NEDD9: variants seen among roughly 807,000 people sequenced by gnomAD.
NEDD9 encodes the protein neural precursor cell expressed, developmentally down-regulated 9.
In NEDD9, 26 loss-of-function variants were observed where a neutral mutation model predicts 76.6. That is an observed-to-expected ratio of 0.34 (90% CI 0.25 to 0.47). NEDD9 has a LOEUF of 0.47. Ranked by LOEUF, NEDD9 falls within the 20% of genes least tolerant of loss-of-function variation. NEDD9 has a pLI of 1.00. For synonymous variants in NEDD9, 392 were observed against 414.2 expected (o/e 0.95, Z 0.65); for missense variants, 937 against 1,058.5 (o/e 0.89, Z 1.59).
intron 2 of NEDD9, among the ~76,000 whole-genome samples, chr6:11,201,702 C>A (rs1396796364): frequency 7.3e-6 from 1 of 136,140 alleles, no homozygotes; most frequent in South Asian, 2.1e-4. Context: ...TTAAAAATTA[C>A]AAATATATAT....
chr6:11,358,353 G>C (rs1004189992), intron 1 of NEDD9, among the ~76,000 whole-genome samples: 1 of 149,572 alleles, frequency 6.7e-6, no homozygotes, highest in Non-Finnish European at 1.5e-5. Context: ...CTGCAGAAAC[G>C]CCTGCCAGTG....
Position 11,185,396 on chromosome 6 carries a change from C to T in NEDD9, c.2271G>A (p.Val757=), listed in dbSNP as rs1757950420. The change falls in exon 7 of 7, where the codon GTG becomes GTA. Residue 757 remains valine (V), a synonymous_variant. Transcript: ENST00000379446. The stretch of plus-strand genomic sequence containing the variant: ...GCCGTGTCAGCGTGTCTCCAATGAA[C>T]ACCAGTTTGTGTGCACTGAGGATGA... The part of the protein sequence containing the change: ...KFVILSAHKL[V]FIGDTLTRQV... 3.1e-6 allele frequency: 5 copies of T among 1,614,226 alleles called. No homozygotes were observed. Among genetic ancestry groups the T allele is most frequent in the Middle Eastern group, 1.6e-4 (1 of 6,062 alleles).
intron 3 of NEDD9, among the ~76,000 whole-genome samples, chr6:11,288,801 T>C (rs6933123): frequency 0.32 from 48,350 of 152,122 alleles, 8,159 homozygotes; most frequent in African/African-American, 0.45. Context: ...CAACCATATA[T>C]TCATCTTCCT....
upstream of NEDD9, chr6:11,233,485 T>C (rs1356772070): frequency 1.9e-6 from 1 of 518,856 alleles, no homozygotes; most frequent in South Asian, 1.4e-5. Context: ...CTGTGTTCTT[T>C]GACGGCTGGC....
chr6:11,212,214 A>ATCT (rs1758803249), intron 2 of NEDD9, among the ~76,000 whole-genome samples: 2 of 152,332 alleles, frequency 1.3e-5, no homozygotes, highest in South Asian at 4.1e-4. Context: ...ATTCAGGGAT[A>ATCT]TCTTCTTATC....
At chr6:11,264,104 T>A (rs1289504855) in intron 3 of NEDD9, among the ~76,000 whole-genome samples, 1 of 152,174 alleles carries the variant, frequency 6.6e-6, no homozygotes, top group Non-Finnish European at 1.5e-5. Context: ...GGAAGGCAGG[T>A]CTGGGGCAAG....
At chr6:11,275,747 G>A (rs1246410098) in intron 3 of NEDD9, among the ~76,000 whole-genome samples, 3 of 152,178 alleles carry the variant, frequency 2.0e-5, no homozygotes, top group Non-Finnish European at 1.5e-5. Context: ...TGGTTTACTT[G>A]TATTAATGCT....
At chr6:11,276,415 G>A (rs905075559) in intron 3 of NEDD9, among the ~76,000 whole-genome samples, 12 of 152,236 alleles carry the variant, frequency 7.9e-5, no homozygotes, top group African/African-American at 2.9e-4. Flanking sequence ...GTGCACGTGT[G>A]TGTGCGCACG....
At chr6:11,189,436 T>C (rs932641987) in intron 5 of NEDD9, among the ~76,000 whole-genome samples, 4 of 152,168 alleles carry the variant, frequency 2.6e-5, no homozygotes, top group African/African-American at 9.7e-5. Context: ...GGGCTAAGTT[T>C]TAAAGCAATT....
intron 2 of NEDD9, among the ~76,000 whole-genome samples, chr6:11,327,475 A>T (rs9468863): frequency 0.21 from 31,574 of 152,188 alleles, 4,950 homozygotes; most frequent in African/African-American, 0.45. Context: ...ACACCATTTT[A>T]GAAAATGATA....
intron 2 of NEDD9, among the ~76,000 whole-genome samples, chr6:11,306,629 T>C (rs1181741181): frequency 1.3e-5 from 2 of 152,178 alleles, no homozygotes; most frequent in Admixed American, 6.5e-5. Context: ...TACTCTCCCA[T>C]CCCTGAGGCC....
chr6:11,325,965 G>A (rs1761917659), intron 2 of NEDD9, among the ~76,000 whole-genome samples: 1 of 152,104 alleles, frequency 6.6e-6, no homozygotes, highest in Non-Finnish European at 1.5e-5. Context: ...GGCCAACATG[G>A]CGAAACCCCG....
chr6:11,199,389 T>C (rs1561784129), intron 2 of NEDD9: 1 of 152,224 alleles, frequency 6.6e-6, no homozygotes, highest in Non-Finnish European at 1.5e-5. Context: ...AAGCCTGTTT[T>C]CTCATAGGTA....
At chr6:11,230,335 G>T (rs1011324419) in intron 1 of NEDD9, among the ~76,000 whole-genome samples, 17 of 152,154 alleles carry the variant, frequency 1.1e-4, no homozygotes, top group Middle Eastern at 3.2e-3. Context: ...GAGCCAGATC[G>T]CCTTAGTTCT....
chr6:11,231,021 G>T (rs946931431), intron 1 of NEDD9, among the ~76,000 whole-genome samples: 3 of 152,140 alleles, frequency 2.0e-5, no homozygotes, highest in Non-Finnish European at 4.4e-5. Context: ...CTGCAAGCCA[G>T]TTCTTATTCA....
At chr6:11,247,072 C>A (rs1018527398) in intron 3 of NEDD9, among the ~76,000 whole-genome samples, 5 of 152,144 alleles carry the variant, frequency 3.3e-5, no homozygotes, top group African/African-American at 1.2e-4. Flanking sequence ...CTTCCCATCT[C>A]CCCTTGAAAA....
At chr6:11,203,975 T>A (rs1223074238) in intron 2 of NEDD9, among the ~76,000 whole-genome samples, 9 of 149,370 alleles carry the variant, frequency 6.0e-5, no homozygotes, top group African/African-American at 2.2e-4. Flanking sequence ...ATCTTTTCTT[T>A]AAAAAAAAAA....
intron 3 of NEDD9, among the ~76,000 whole-genome samples, chr6:11,280,903 T>G (rs1315484101): frequency 6.6e-6 from 1 of 152,234 alleles, no homozygotes; most frequent in Non-Finnish European, 1.5e-5. Context: ...GTGTCCTGTA[T>G]GTCTTGCTGG....
At chr6:11,359,227 G>A (rs1762634970) in intron 1 of NEDD9, among the ~76,000 whole-genome samples, 1 of 152,322 alleles carries the variant, frequency 6.6e-6, no homozygotes, top group African/African-American at 2.4e-5. Flanking sequence ...TCAGGGGAAG[G>A]TATGTATTTA....
Sources: gnomAD v4.1 joint callset for allele counts (sites outside exome capture counted in the v4.1 genomes callset) on GRCh38, gnomAD v4.1.1 for gene constraint, MANE v1.5 for transcripts, NCBI Gene and HGNC (gene_info 2026-07-23, HGNC 2026-07-21) for gene names.